ELAPOR1: variants seen among roughly 807,000 people sequenced by gnomAD.
ELAPOR1 encodes endosome/lysosome-associated apoptosis and autophagy regulator 1.
In ELAPOR1, 77 loss-of-function variants were observed where a neutral mutation model predicts 119.7. The ratio of observed to expected loss-of-function variants is 0.64; its 90% CI spans 0.54 to 0.78. The LOEUF (loss-of-function observed/expected upper bound fraction) is 0.78. Ranked by LOEUF, ELAPOR1 falls within the 30% of genes least tolerant of loss-of-function variation. ELAPOR1 has a pLI of 0.00. For missense variants in ELAPOR1, 1,115 were observed against 1,270.4 expected (o/e 0.88, Z 1.86); for synonymous variants, 481 against 487.2 (o/e 0.99, Z 0.17).
chr1:109,121,784 T>G (rs1339571767), intron 1 of ELAPOR1, among the ~76,000 whole-genome samples: 1 of 151,260 alleles, frequency 6.6e-6, no homozygotes, highest in African/African-American at 2.4e-5. Context: ...TTTTTTTTTT[T>G]TTTTTTTGAG....
chr1:109,197,611 C>A lies in ELAPOR1; in HGVS notation c.2259C>A (p.Ala753=). ...IIPPEVTGYK[A]GVSSQPVSLA... is the part of the protein sequence containing the mutation. ...CCCCAGAGGTGACAGGCTACAAGGC[C>A]GGGGTTTCCTCACAGCCTGTCAGCC... is the stretch of plus-strand genomic sequence containing the variant. Residue 753 remains alanine (A), a synonymous_variant, in exon 16 of 22, where the codon GCC becomes GCA. Transcript: ENST00000369939. 1 of 1,614,144 alleles carries A rather than the reference C, an allele frequency of 6.2e-7. No homozygotes were observed. The highest frequency in any genetic ancestry group is 2.2e-5 in the East Asian group (1 of 44,880).
At chr1:109,142,044 T>A (rs1056438685) in intron 1 of ELAPOR1, among the ~76,000 whole-genome samples, 1 of 152,118 alleles carries the variant, frequency 6.6e-6, no homozygotes, top group Non-Finnish European at 1.5e-5. Context: ...GCCTGTGGAA[T>A]GCCCCCATAA....
chr1:109,146,346 G>A (rs752235955), intron 1 of ELAPOR1, among the ~76,000 whole-genome samples: 8 of 151,542 alleles, frequency 5.3e-5, no homozygotes, highest in East Asian at 1.9e-4. Flanking sequence ...TACAAATCTC[G>A]ATTCAAAAAT....
intron 1 of ELAPOR1, among the ~76,000 whole-genome samples, chr1:109,144,061 A>ATTTTTTTT (rs71069655): frequency 1.2e-4 from 11 of 88,992 alleles, no homozygotes; most frequent in African/African-American, 1.9e-4. Context: ...ATATTTATAT[A>ATTTTTTTT]TTTTTTTTTT....
intron 15 of ELAPOR1, 68 bp from the exon 16 acceptor site, chr1:109,197,406 T>C (rs1180798673): frequency 1.4e-6 from 2 of 1,420,000 alleles, no homozygotes; most frequent in East Asian, 4.6e-5. Context: ...GCCTTCCCTA[T>C]TCCCTTCTGG....
chr1:109,142,774 T>C (rs1013398590), intron 1 of ELAPOR1, among the ~76,000 whole-genome samples: 1 of 152,182 alleles, frequency 6.6e-6, no homozygotes, highest in African/African-American at 2.4e-5. Flanking sequence ...AGAGTTACCA[T>C]ATGACCTGGC....
intron 21 of ELAPOR1, among the ~76,000 whole-genome samples, chr1:109,202,575 C>T (rs533572274): frequency 1.6e-4 from 24 of 151,286 alleles, no homozygotes; most frequent in African/African-American, 5.1e-4. Context: ...CAGGTAGTTG[C>T]GATTATAGGC....
intron 1 of ELAPOR1, among the ~76,000 whole-genome samples, chr1:109,127,438 T>A (rs1025446273): frequency 6.6e-6 from 1 of 152,062 alleles, no homozygotes; most frequent in Non-Finnish European, 1.5e-5. Flanking sequence ...ATGGTCTTGA[T>A]CGCCTGACCT....
intron 7 of ELAPOR1, among the ~76,000 whole-genome samples, chr1:109,183,433 A>G (rs1368336642): frequency 6.6e-6 from 1 of 152,196 alleles, no homozygotes; most frequent in African/African-American, 2.4e-5. Flanking sequence ...GAATTCATAG[A>G]AGTAGTTCTC....
At chr1:109,118,049 C>A (rs1291364287) in intron 1 of ELAPOR1, among the ~76,000 whole-genome samples, 1 of 151,984 alleles carries the variant, frequency 6.6e-6, no homozygotes, top group African/African-American at 2.4e-5. Flanking sequence ...ATCACTTGAA[C>A]CTGGGAGGCG....
At chr1:109,189,310 C>A in intron 10 of ELAPOR1, 116 bp downstream of exon 10, 2 of 1,313,522 alleles carry the variant, frequency 1.5e-6, no homozygotes, top group Non-Finnish European at 2.1e-6. Flanking sequence ...CCATGTCATG[C>A]ATTCCCTTGA....
chr1:109,172,824 G>A lies in ELAPOR1; in HGVS notation c.696+256G>A, dbSNP rs148098446. 1.5e-3 allele frequency among the ~76,000 whole-genome samples: 226 copies of A among 152,308 alleles called. 3 individuals are homozygous for A. The East Asian group carries it at 0.04, about 27-fold the overall frequency. On this transcript the variant is annotated intron_variant, in intron 5 of 21. Coordinates refer to ENST00000369939, the MANE Select transcript of ELAPOR1 (RefSeq NM_020775.5). ...AAGACTGGGTCTTCTGCCGGGCATG[G>A]TGGCTCATGCCTGTAATCCCAGCAC...
chr1:109,194,971 G>T (rs536902398), intron 15 of ELAPOR1, among the ~76,000 whole-genome samples: 5 of 152,164 alleles, frequency 3.3e-5, no homozygotes, highest in African/African-American at 1.2e-4. Context: ...TTAGCTGGGC[G>T]TGGTGGTGCA....
At chr1:109,138,185 A>C (rs1035411300) in intron 1 of ELAPOR1, among the ~76,000 whole-genome samples, 2 of 152,054 alleles carry the variant, frequency 1.3e-5, no homozygotes, top group Non-Finnish European at 2.9e-5. Context: ...GATCAGGTTG[A>C]CCAGAGGAAG....
chr1:109,170,754 G>A (rs895008679), intron 3 of ELAPOR1, among the ~76,000 whole-genome samples: 5 of 152,226 alleles, frequency 3.3e-5, no homozygotes, highest in African/African-American at 1.2e-4. Context: ...CCGCTGGGCT[G>A]CAGCATGCAG....
At chr1:109,117,411 G>A (rs192321052) in intron 1 of ELAPOR1, among the ~76,000 whole-genome samples, 80 of 152,292 alleles carry the variant, frequency 5.3e-4, no homozygotes, top group African/African-American at 1.8e-3. Flanking sequence ...CCTTTAACAC[G>A]CTCTACCTTA....
At chr1:109,155,090 G>A (rs1265912885) in intron 1 of ELAPOR1, among the ~76,000 whole-genome samples, 2 of 152,120 alleles carry the variant, frequency 1.3e-5, no homozygotes, top group Non-Finnish European at 2.9e-5. Context: ...AAATCAACAG[G>A]TTTTAAACAC....
intron 14 of ELAPOR1, among the ~76,000 whole-genome samples, chr1:109,193,290 T>A (rs1653566320): frequency 6.6e-6 from 1 of 152,198 alleles, no homozygotes; most frequent in South Asian, 2.1e-4. Context: ...CTGGGACATA[T>A]GATAACTGGC....
intron 1 of ELAPOR1, among the ~76,000 whole-genome samples, chr1:109,136,071 C>G (rs540159098): frequency 2.0e-5 from 3 of 152,228 alleles, no homozygotes; most frequent in Admixed American, 6.5e-5. Flanking sequence ...ATGCTTCTCC[C>G]CTTATCTAGA....
Sources: gnomAD v4.1 joint callset for allele counts (sites outside exome capture counted in the v4.1 genomes callset) on GRCh38, gnomAD v4.1.1 for gene constraint, MANE v1.5 for transcripts, NCBI Gene and HGNC (gene_info 2026-07-23, HGNC 2026-07-21) for gene names.